TPM4: variants seen among roughly 807,000 people sequenced by gnomAD.
TPM4 encodes the protein tropomyosin alpha-4 chain.
Under a neutral mutation model 35.8 loss-of-function variants are expected in TPM4, and 17 were observed. The observed-to-expected ratio is 0.47, with a 90% CI of 0.32 to 0.71. TPM4 has a LOEUF of 0.71. TPM4 is among the 30% of genes least tolerant of loss of function. The pLI is 0.03. For missense variants in TPM4, 240 were observed against 320.9 expected, an observed-to-expected ratio of 0.75 and a Z score of 1.93; for synonymous variants, 120 against 122.9, an observed-to-expected ratio of 0.98 and a Z score of 0.15.
At chr19:16,076,854 G>C in intron 1 of TPM4, 157 bp downstream of exon 1, 1 of 1,245,622 alleles carries the variant, frequency 8.0e-7, no homozygotes, top group Non-Finnish European at 1.0e-6. Flanking sequence ...TGCGCCCGCA[G>C]CCAGGACCCC....
chr19:16,087,493 C>G (rs2090570345), intron 3 of TPM4, among the ~76,000 whole-genome samples: 4 of 152,158 alleles, frequency 2.6e-5, no homozygotes, highest in Admixed American at 2.6e-4. Context: ...AGGAGATTCA[C>G]TTGAACCCAG....
intron 4 of TPM4, 45 bp downstream of exon 4, chr19:16,088,142 G>A: frequency 6.3e-7 from 1 of 1,584,190 alleles, no homozygotes; most frequent in Non-Finnish European, 8.6e-7. Flanking sequence ...CGATTCCTGG[G>A]GCGGAGTGGG....
chr19:16,079,512 C>A (rs145814437), intron 1 of TPM4, among the ~76,000 whole-genome samples: 1 of 152,296 alleles, frequency 6.6e-6, no homozygotes, highest in African/African-American at 2.4e-5. Flanking sequence ...TTTCACAATT[C>A]TCTGCATTTG....
rs1371452232 is a variant in TPM4, at chr19:16,081,287, G to A, written c.133-626G>A. ...AGCCTATCTTAGATCTTAGCCTAAC[G>A]TTGGGTCTATTGTGTTGCTGGAGAG... On this transcript the variant is annotated intron_variant, in intron 1 of 7. Transcript: ENST00000643579. 112 of 386,936 alleles carry A rather than the reference G, an allele frequency of 2.9e-4. 2 individuals are homozygous for A. Among genetic ancestry groups the A allele is most frequent in the Non-Finnish European group, 4.6e-6 (1 of 219,272 alleles). 24.0% of individuals were successfully genotyped at this position (386,936 alleles called of 1,614,324 possible).
intron 1 of TPM4, 22 bp downstream of exon 1, chr19:16,076,719 C>CCCGCACCCGCAGCCT (rs1568299887): frequency 1.5e-6 from 2 of 1,315,662 alleles, no homozygotes; most frequent in African/African-American, 3.1e-5. Context: ...GGCCTCGGGC[C>CCCGCACCCGCAGCCT]CCGCACCCGC....
rs1325861128 is a variant in TPM4, at chr19:16,089,101, T to C, written c.512T>C (p.Leu171Pro). Residue 171 changes from leucine (L) to proline (P), a missense_variant, in exon 5 of 8, where the codon CTG (leucine) becomes CCG (proline). By Grantham distance (98) the Leu-to-Pro change is moderately conservative. Transcript: ENST00000643579. ...AATGTTACTAACAATCTGAAATCTC[T>C]GGAGGCTGCATCTGAAAAGGTAGGT... ...LKNVTNNLKSLEAASEKYSEK... is the reference protein window; with the variant it reads ...LKNVTNNLKSPEAASEKYSEK... The C allele has an allele frequency of 6.2e-7, 1 of 1,613,764 alleles. No homozygotes were observed. The highest frequency in any genetic ancestry group is 8.5e-7 in the Non-Finnish European group (1 of 1,180,006).
chr19:16,085,120 G>T lies in TPM4; in HGVS notation c.267-1303G>T, dbSNP rs1001099792. Among the ~76,000 whole-genome samples the T allele has an allele frequency of 2.6e-5, 4 of 152,216 alleles. No homozygotes were observed. The East Asian group carries it at 7.7e-4, about 29-fold the overall frequency. The stretch of plus-strand genomic sequence containing the variant: ...TATTAAAAATTAGCCAGGCATGGTA[G>T]TGCATGCTGGTAGTCCCAGCCACTC... On this transcript the variant is annotated intron_variant, in intron 2 of 7. Coordinates refer to ENST00000643579, the MANE Select transcript of TPM4 (RefSeq NM_003290.3).
At chr19:16,075,994 G>A, upstream of TPM4, 19 of 1,539,434 alleles carry the variant, frequency 1.2e-5, no homozygotes, top group South Asian at 2.0e-4. Flanking sequence ...CCTGCACCTC[G>A]GGGACGTGAC....
intron 7 of TPM4, among the ~76,000 whole-genome samples, chr19:16,096,601 G>C (rs1470751873): frequency 1.3e-5 from 2 of 152,090 alleles, no homozygotes; most frequent in Non-Finnish European, 2.9e-5. Context: ...TGTGGTGACT[G>C]GGGCTTCCCG....
chr19:16,094,392 A>C (rs2076735365), intron 7 of TPM4, among the ~76,000 whole-genome samples: 1 of 151,910 alleles, frequency 6.6e-6, no homozygotes, highest in Non-Finnish European at 1.5e-5. Flanking sequence ...AAAATTAGCC[A>C]GGCGTGGTGG....
chr19:16,085,933 G>T (rs1213329459), intron 2 of TPM4, among the ~76,000 whole-genome samples: 3 of 152,158 alleles, frequency 2.0e-5, no homozygotes, highest in South Asian at 4.2e-4. Context: ...GCCGGTCACG[G>T]TGGTGCATGC....
intron 2 of TPM4, among the ~76,000 whole-genome samples, chr19:16,068,403 T>C (rs1031364913): frequency 6.6e-6 from 1 of 152,210 alleles, no homozygotes; most frequent in Admixed American, 6.5e-5. Context: ...CTCAAACTCC[T>C]GACCTCAAGT....
intron 7 of TPM4, chr19:16,100,155 A>T (rs1339695609): frequency 1.3e-5 from 2 of 152,148 alleles, no homozygotes; most frequent in African/African-American, 4.8e-5. Context: ...CCACGCATTG[A>T]TATCGTTACC....
At chr19:16,088,188 G>A in intron 4 of TPM4, 91 bp downstream of exon 4, 3 of 1,523,200 alleles carry the variant, frequency 2.0e-6, no homozygotes, top group South Asian at 1.2e-5. Flanking sequence ...GCTCTGACCG[G>A]GGTCTCTGCT....
In TPM4 at chr19:16,070,783, AT is replaced by A. The variant is rs1184686768; in HGVS notation, c.114+3046del. ...CGTGCCCCAGGGCTGCCCTAAGAGT[AT>A]GTGGCACATTCGTGCAGGCCAAGCC... On this transcript the variant is annotated intron_variant, in intron 2 of 2. Coordinates refer to the TPM4 transcript ENST00000589897. The surrounding 1 kb of genome is among the most constrained non-coding windows in gnomAD (Gnocchi z 7.4). Among the ~76,000 whole-genome samples the A allele has an allele frequency of 2.0e-5, 3 of 150,888 alleles. No individual in the cohort carries two copies. Among genetic ancestry groups the A allele is most frequent in the African/African-American group, 7.3e-5 (3 of 40,934 alleles).
chr19:16,075,187 T>G (rs945691391), upstream of TPM4: 7 of 151,838 alleles, frequency 4.6e-5, no homozygotes, highest in South Asian at 4.1e-4. Flanking sequence ...GACAGAAAAG[T>G]CTTCTTGAGC....
intron 3 of TPM4, among the ~76,000 whole-genome samples, chr19:16,087,733 T>G (rs2090574906): frequency 6.6e-6 from 1 of 151,462 alleles, no homozygotes; most frequent in African/African-American, 2.4e-5. Flanking sequence ...ATACAAAAAT[T>G]AGCTGGGCGT....
At chr19:16,079,096 C>T (rs1234617797) in intron 1 of TPM4, among the ~76,000 whole-genome samples, 1 of 152,168 alleles carries the variant, frequency 6.6e-6, no homozygotes, top group Non-Finnish European at 1.5e-5. Flanking sequence ...TTCAAAAATA[C>T]ATATATATGT....
At position 16,091,188 on chromosome 19, in the gene TPM4, G is replaced by T. The variant is rs559571948; in HGVS notation, c.531+2068G>T. 5.3e-5 allele frequency among the ~76,000 whole-genome samples: 8 copies of T among 152,046 alleles called. No homozygotes were observed. The South Asian group carries it at 1.5e-3, about 28-fold the overall frequency. ...CTGCCTCAGCCTCCTGAGTAACTGG[G>T]AATACAGGCGCACACACCACGCCCA... On this transcript the variant is annotated intron_variant, in intron 5 of 7. Transcript: ENST00000643579.
Sources: allele counts gnomAD v4.1 joint callset (sites outside exome capture counted in the v4.1 genomes callset), GRCh38; gene constraint gnomAD v4.1.1; non-coding constraint Gnocchi (gnomAD v3.1); transcripts MANE v1.5; gene names NCBI Gene and HGNC (gene_info 2026-07-23, HGNC 2026-07-21).